RIT2: variants seen among roughly 807,000 people sequenced by gnomAD.
RIT2 encodes the protein Ras like without CAAX 2, also known as GTP-binding protein Rit2.
A neutral mutation model predicts 23.7 loss-of-function variants in RIT2; 24 were observed. The ratio of observed to expected loss-of-function variants is 1.01; its 90% confidence interval spans 0.73 to 1.43. The LOEUF (loss-of-function observed/expected upper bound fraction) is 1.43. RIT2 is among the 40% of genes most tolerant of loss of function. The pLI, the probability that RIT2 is intolerant of heterozygous loss-of-function variation, is 0.00. For missense variants in RIT2, 236 were observed against 266.9 expected (o/e 0.88, Z 0.81); for synonymous variants, 107 against 91.1 (o/e 1.17, Z -0.99).
At position 42,903,410 on chromosome 18, in the gene RIT2, T is replaced by G. The variant is rs555898601; in HGVS notation, c.426+20162A>C. Among the ~76,000 whole-genome samples, 7 of 152,178 alleles carry G rather than the reference T, an allele frequency of 4.6e-5. No homozygotes were observed. In the South Asian group the frequency reaches 1.5e-3, roughly 32 times the overall value. ...GCAATTTTCCATTTTAAAGAGCTGA[T>G]TTCATAGAGACTGTGTTGTCTGACC... On this transcript the variant is annotated intron_variant, in intron 4 of 4. Transcript: ENST00000326695.
At chr18:43,078,080 C>A (rs1913067601) in intron 1 of RIT2, among the ~76,000 whole-genome samples, 1 of 152,188 alleles carries the variant, frequency 6.6e-6, no homozygotes, top group African/African-American at 2.4e-5. Context: ...TGACCTGGCC[C>A]AATTTCACAG....
chr18:42,809,184 T>C (rs897704885), intron 4 of RIT2, among the ~76,000 whole-genome samples: 1 of 152,262 alleles, frequency 6.6e-6, no homozygotes, highest in South Asian at 2.1e-4. Context: ...ATTTGAGTCA[T>C]AAAATTTTAG....
At chr18:43,086,639 C>T (rs976358100) in intron 1 of RIT2, among the ~76,000 whole-genome samples, 23 of 152,198 alleles carry the variant, frequency 1.5e-4, no homozygotes, top group Non-Finnish European at 2.2e-4. Context: ...AGGCACTGCA[C>T]GGCTGGCCAG....
intron 4 of RIT2, among the ~76,000 whole-genome samples, chr18:42,797,878 C>T (rs1461281246): frequency 6.6e-6 from 1 of 152,064 alleles, no homozygotes; most frequent in African/African-American, 2.4e-5. Context: ...GAATATAAGA[C>T]ATACAATGCT....
At chr18:42,993,952 T>C (rs918632910) in intron 2 of RIT2, among the ~76,000 whole-genome samples, 1 of 152,010 alleles carries the variant, frequency 6.6e-6, no homozygotes, top group Non-Finnish European at 1.5e-5. Flanking sequence ...CTATAAACTC[T>C]CCTTACAATT....
At chr18:42,880,450 A>G (rs1430336564) in intron 4 of RIT2, among the ~76,000 whole-genome samples, 1 of 152,182 alleles carries the variant, frequency 6.6e-6, no homozygotes, top group African/African-American at 2.4e-5. Context: ...TACCAGCTGT[A>G]GCAGGAACCA....
chr18:42,819,061 G>A (rs754699030), intron 4 of RIT2, among the ~76,000 whole-genome samples: 4 of 151,998 alleles, frequency 2.6e-5, no homozygotes, highest in African/African-American at 4.8e-5. Flanking sequence ...ATTTGCTCAA[G>A]AATATGAAAT....
intron 1 of RIT2, among the ~76,000 whole-genome samples, chr18:43,043,806 ACAAATAAATAAATAAAT>A (rs1444687692): frequency 6.6e-6 from 1 of 152,126 alleles, no homozygotes; most frequent in Admixed American, 6.6e-5. Flanking sequence ...TCTCAAACAA[ACAAATAAATAAATAAAT>A]CAAATAAATA....
intron 4 of RIT2, among the ~76,000 whole-genome samples, chr18:42,841,655 C>T (rs1260206941): frequency 6.6e-6 from 1 of 152,128 alleles, no homozygotes; most frequent in African/African-American, 2.4e-5. Context: ...TCCATAGCTA[C>T]CATTCAATAA....
intron 4 of RIT2, among the ~76,000 whole-genome samples, chr18:42,863,335 G>T (rs183840263): frequency 6.6e-6 from 1 of 152,106 alleles, no homozygotes; most frequent in East Asian, 1.9e-4. Flanking sequence ...CTCATCATTC[G>T]AAAGGACACT....
chr18:42,981,080 T>C (rs1387131700), intron 2 of RIT2, among the ~76,000 whole-genome samples: 1 of 152,108 alleles, frequency 6.6e-6, no homozygotes, highest in Non-Finnish European at 1.5e-5. Context: ...CAGGACTAGG[T>C]CACGGTCACT....
chr18:43,052,951 A>G (rs1598762995), intron 1 of RIT2, among the ~76,000 whole-genome samples: 2 of 152,136 alleles, frequency 1.3e-5, no homozygotes, highest in Middle Eastern at 6.8e-3. Flanking sequence ...TTTTTGATAG[A>G]TACTATTTCA....
At position 42,944,849 on chromosome 18, in the gene RIT2, C is replaced by T. The variant is rs531393923; in HGVS notation, c.235-21086G>A. On this transcript the variant is annotated intron_variant, in intron 3 of 4. Transcript: ENST00000326695. ...CTTAAGTTCCATTTTCCAGATCACA[C>T]TTATTTCCAAGAAAATATACAATTT... Among the ~76,000 whole-genome samples the T allele has an allele frequency of 2.0e-5, 3 of 152,136 alleles. No individual in the cohort carries two copies. In the East Asian group the frequency reaches 5.8e-4, roughly 29 times the overall value.
intron 2 of RIT2, among the ~76,000 whole-genome samples, chr18:42,982,029 T>C (rs977673388): frequency 3.9e-5 from 6 of 152,160 alleles, no homozygotes; most frequent in African/African-American, 1.2e-4. Flanking sequence ...GTCACTACCA[T>C]CTATGTCTGA....
intron 4 of RIT2, among the ~76,000 whole-genome samples, chr18:42,917,274 T>A (rs538814158): frequency 1.6e-4 from 24 of 152,214 alleles, no homozygotes; most frequent in African/African-American, 5.8e-4. Context: ...AACTACATCA[T>A]CTGTTAGTTT....
chr18:42,844,644 A>G (rs1409136845), intron 4 of RIT2, among the ~76,000 whole-genome samples: 1 of 151,172 alleles, frequency 6.6e-6, no homozygotes, highest in Non-Finnish European at 1.5e-5. Flanking sequence ...GGGTCTTTAT[A>G]GGCACAGGAT....
At chr18:42,890,285 T>A (rs1280480052) in intron 4 of RIT2, among the ~76,000 whole-genome samples, 1 of 151,936 alleles carries the variant, frequency 6.6e-6, no homozygotes, top group Non-Finnish European at 1.5e-5. Flanking sequence ...TAAAAAAAAA[T>A]TCCAAACAGA....
chr18:43,003,958 T>G (rs1452832903), intron 2 of RIT2, among the ~76,000 whole-genome samples: 1 of 148,682 alleles, frequency 6.7e-6, no homozygotes, highest in Non-Finnish European at 1.5e-5. Flanking sequence ...TGGCAACAGG[T>G]TCATTCTTTC....
At chr18:43,106,602 A>G (rs1397541503) in intron 1 of RIT2, among the ~76,000 whole-genome samples, 1 of 152,142 alleles carries the variant, frequency 6.6e-6, no homozygotes, top group Non-Finnish European at 1.5e-5. Context: ...TTTCAATGCA[A>G]CATCTCCAGG....
Sources: gnomAD v4.1 joint callset for allele counts (sites outside exome capture counted in the v4.1 genomes callset) on GRCh38, gnomAD v4.1.1 for gene constraint, MANE v1.5 for transcripts, NCBI Gene and HGNC (gene_info 2026-07-23, HGNC 2026-07-21) for gene names.